Variants in AUTS2 observed in about 807,000 individuals in gnomAD.
AUTS2 encodes the protein autism susceptibility gene 2 protein.
AUTS2 carries 17 observed loss-of-function variants against 112.4 expected under a neutral mutation model. The observed-to-expected ratio is 0.15, with a 90% CI of 0.10 to 0.23. The LOEUF is 0.23. Among genes scored for constraint, AUTS2 ranks in the 10% least tolerant of loss-of-function variants. The pLI is 1.00. For synonymous variants in AUTS2, 751 were observed against 702.7 expected, an observed-to-expected ratio of 1.07 and a Z score of -1.09; for missense variants, 1,510 against 1,701.6, an observed-to-expected ratio of 0.89 and a Z score of 1.98.
At chr7:70,750,557 T>A (rs936294174) in intron 6 of AUTS2, among the ~76,000 whole-genome samples, 4 of 152,002 alleles carry the variant, frequency 2.6e-5, no homozygotes, top group Non-Finnish European at 5.9e-5. Context: ...CACGCCACCA[T>A]GCCCGGATAA....
chr7:70,590,371 C>T (rs1312393715), intron 5 of AUTS2, among the ~76,000 whole-genome samples: 1 of 152,102 alleles, frequency 6.6e-6, no homozygotes, highest in Non-Finnish European at 1.5e-5. Context: ...CCTCAGAACT[C>T]AGATCTTTCT....
At chr7:70,339,582 A>T (rs938597243) in intron 4 of AUTS2, among the ~76,000 whole-genome samples, 6 of 152,234 alleles carry the variant, frequency 3.9e-5, no homozygotes, top group Non-Finnish European at 7.3e-5. Context: ...AACCAATGTG[A>T]AACCTTGCTT....
At chr7:70,544,933 C>A (rs1289631694) in intron 5 of AUTS2, among the ~76,000 whole-genome samples, 6 of 152,104 alleles carry the variant, frequency 3.9e-5, no homozygotes, top group Non-Finnish European at 7.4e-5. Flanking sequence ...ATCCAAGGAG[C>A]CTGGGACCTA....
chr7:70,559,082 C>T (rs1801371326), intron 5 of AUTS2, among the ~76,000 whole-genome samples: 1 of 152,140 alleles, frequency 6.6e-6, no homozygotes, highest in African/African-American at 2.4e-5. Flanking sequence ...GAATAAGTCT[C>T]ACGAGATCTG....
chr7:70,576,836 G>A (rs1802192582), intron 5 of AUTS2, among the ~76,000 whole-genome samples: 1 of 152,212 alleles, frequency 6.6e-6, no homozygotes, highest in Admixed American at 6.5e-5. Flanking sequence ...ATTAAGCAAA[G>A]CAGTGGAGAG....
At chr7:69,608,021 A>G (rs559387834) in intron 1 of AUTS2, among the ~76,000 whole-genome samples, 5 of 152,176 alleles carry the variant, frequency 3.3e-5, no homozygotes, top group East Asian at 1.9e-4. Flanking sequence ...TGCAGCCCCA[A>G]CCTTCCTGGG....
At chr7:69,990,288 A>G (rs1477782991) in intron 2 of AUTS2, among the ~76,000 whole-genome samples, 1 of 152,154 alleles carries the variant, frequency 6.6e-6, no homozygotes, top group Non-Finnish European at 1.5e-5. Flanking sequence ...TTTTGCGGTC[A>G]ATTTGTTTTG....
rs555021499 is a variant in AUTS2 at position 69,647,088 on chromosome 7, A to G, written c.309+47126A>G. 3.9e-5 allele frequency among the ~76,000 whole-genome samples: 6 copies of G among 152,318 alleles called. No homozygotes were observed. In the East Asian group the frequency reaches 1.2e-3, roughly 29 times the overall value. ...GGGCGATAGAGCGAGACTCTGTCTC[A>G]AACAAAACAAAACAAAAAACAAAAA... On this transcript the variant is annotated intron_variant, in intron 1 of 18. Transcript: ENST00000342771.
chr7:70,390,249 G>C (rs1046930039), intron 4 of AUTS2, among the ~76,000 whole-genome samples: 1 of 152,176 alleles, frequency 6.6e-6, no homozygotes, highest in African/African-American at 2.4e-5. Flanking sequence ...ATCCTCTGGT[G>C]GGCTTATTCA....
chr7:69,895,546 C>CG (rs1554400670), intron 1 of AUTS2, among the ~76,000 whole-genome samples: 1 of 142,992 alleles, frequency 7.0e-6, no homozygotes, highest in African/African-American at 2.6e-5. Flanking sequence ...CTCTTCTTCC[C>CG]CCCCCCCGAG....
intron 4 of AUTS2, among the ~76,000 whole-genome samples, chr7:70,327,966 C>G (rs1253767100): frequency 2.6e-5 from 4 of 152,072 alleles, no homozygotes; most frequent in African/African-American, 9.7e-5. Context: ...GAAAAGAGCT[C>G]CCTTATCCCC....
chr7:69,899,473 A>G lies in AUTS2; in HGVS notation c.497A>G (p.Lys166Arg), dbSNP rs772862379. Residue 166 changes from lysine to arginine, a missense_variant, in exon 2 of 19, where the codon AAG becomes AGG. By Grantham distance (26) the Lys-to-Arg change is conservative. Coordinates refer to ENST00000342771, the MANE Select transcript of AUTS2 (RefSeq NM_015570.4). ...RNLCQHLGKR[K>R]KMPKALRQLK... Reference sequence around the variant, plus strand: ...CTCTGCCAGCACCTTGGGAAGAGAAAGAAAATGCCGAAGGCACTCAGACAG... The same window carrying G: ...CTCTGCCAGCACCTTGGGAAGAGAAGGAAAATGCCGAAGGCACTCAGACAG... 1 of 1,613,978 alleles carries G rather than the reference A, an allele frequency of 6.2e-7. No individual in the cohort carries two copies. The highest frequency in any genetic ancestry group is 8.5e-7 in the Non-Finnish European group (1 of 1,179,864).
intron 5 of AUTS2, among the ~76,000 whole-genome samples, chr7:70,676,598 C>T (rs115375876): frequency 0.023 from 3,492 of 152,082 alleles, 125 homozygotes; most frequent in African/African-American, 0.08. Flanking sequence ...CCTTTCTGGC[C>T]GGGTGCGCTG....
At chr7:69,749,809 G>A (rs1039922236) in intron 1 of AUTS2, among the ~76,000 whole-genome samples, 1 of 152,156 alleles carries the variant, frequency 6.6e-6, no homozygotes, top group Admixed American at 6.5e-5. Flanking sequence ...AAGGGAGAGG[G>A]GAGCACAGAG....
chr7:70,714,192 A>G (rs1220705701), intron 6 of AUTS2, among the ~76,000 whole-genome samples: 6 of 152,248 alleles, frequency 3.9e-5, no homozygotes, highest in African/African-American at 1.4e-4. Flanking sequence ...AGCTTTTTAC[A>G]AAATGAAAAT....
At chr7:69,642,132 G>A (rs1035242619) in intron 1 of AUTS2, among the ~76,000 whole-genome samples, 9 of 152,206 alleles carry the variant, frequency 5.9e-5, no homozygotes, top group African/African-American at 2.2e-4. Context: ...CACTTCCATA[G>A]AGGTTTAAAA....
chr7:70,468,247 C>A (rs1206641213), intron 5 of AUTS2, among the ~76,000 whole-genome samples: 2 of 152,022 alleles, frequency 1.3e-5, no homozygotes, highest in African/African-American at 2.4e-5. Flanking sequence ...GGGTTTTCAG[C>A]GTAATTTTGT....
At chr7:70,021,086 G>A (rs1347420185) in intron 2 of AUTS2, among the ~76,000 whole-genome samples, 1 of 152,022 alleles carries the variant, frequency 6.6e-6, no homozygotes, top group Non-Finnish European at 1.5e-5. Context: ...GGATTCAAGC[G>A]ATTCTCCTGC....
intron 5 of AUTS2, among the ~76,000 whole-genome samples, chr7:70,696,133 A>G (rs1809085353): frequency 6.6e-6 from 1 of 152,210 alleles, no homozygotes; most frequent in Admixed American, 6.5e-5. Flanking sequence ...CCAAGGAACA[A>G]ATCATTTGTA....
Sources: gnomAD v4.1 joint callset for allele counts (sites outside exome capture counted in the v4.1 genomes callset) on GRCh38, gnomAD v4.1.1 for gene constraint, MANE v1.5 for transcripts, NCBI Gene and HGNC (gene_info 2026-07-23, HGNC 2026-07-21) for gene names.